Variants in NIT2 observed in about 807,000 individuals in gnomAD.
NIT2 encodes the protein omega-amidase NIT2.
Under a neutral mutation model 42.7 loss-of-function variants are expected in NIT2, and 46 were observed. That is an observed-to-expected ratio of 1.08 (90% confidence interval 0.85 to 1.38). The LOEUF (loss-of-function observed/expected upper bound fraction) is 1.38, where lower values mean the gene tolerates loss of function less well. NIT2 is among the 40% of genes most tolerant of loss of function. NIT2 has a pLI of 0.00. For missense variants in NIT2, 309 were observed against 342.5 expected (o/e 0.90, Z 0.77); for synonymous variants, 123 against 121.9 (o/e 1.01, Z -0.06).
rs200886840 is a variant in NIT2, at chr3:100,348,208, T to C, written c.506-595T>C. ...CACCCACCGCCTTTATGAGTTTCTT[T>C]ACCAAGGGGTGAAATATTCATGACG... On this transcript the variant is annotated intron_variant, in intron 6 of 9. Transcript: ENST00000394140. Among the ~76,000 whole-genome samples, 19 of 152,340 alleles carry C rather than the reference T, an allele frequency of 1.2e-4. No homozygotes were observed. The East Asian group carries it at 1.4e-3, about 11-fold the overall frequency.
At chr3:100,355,145 T>G (rs374131069) in intron 9 of NIT2, 32 bp from the exon 10 acceptor site, 76 of 1,538,216 alleles carry the variant, frequency 4.9e-5, no homozygotes, top group Admixed American at 3.4e-5. Flanking sequence ...GAGTTGCAAA[T>G]TATTAATAGT....
intron 3 of NIT2, 162 bp downstream of exon 3, chr3:100,340,097 G>C: frequency 6.2e-4 from 310 of 503,604 alleles, no homozygotes; most frequent in Middle Eastern, 2.2e-3. Flanking sequence ...TTGAGGTGAG[G>C]TCTTGCTTTG....
In NIT2 at chr3:100,339,166, G is replaced by A. The variant is rs762980475; in HGVS notation, c.87G>A (p.Arg29=). The part of the protein sequence containing the change: ...DNVTRACSFI[R]EAATQGAKIV... Reference sequence around the variant, plus strand: ...TCACTCGCGCTTGTAGCTTCATCCGGGAGGCAGCAACGCAAGGAGCCAAAA... The same window carrying A: ...TCACTCGCGCTTGTAGCTTCATCCGAGAGGCAGCAACGCAAGGAGCCAAAA... Residue 29 remains arginine (R), a synonymous_variant, in exon 2 of 10, where the codon CGG becomes CGA. Coordinates refer to ENST00000394140, the MANE Select transcript of NIT2 (RefSeq NM_020202.5). The A allele has an allele frequency of 1.2e-6, 2 of 1,613,976 alleles. No individual in the cohort carries two copies. The highest frequency in any genetic ancestry group is 2.2e-5 in the South Asian group (2 of 91,066).
chr3:100,347,824 A>C (rs936904987), intron 6 of NIT2, among the ~76,000 whole-genome samples: 3 of 152,190 alleles, frequency 2.0e-5, no homozygotes, highest in African/African-American at 7.2e-5. Flanking sequence ...GTACACACTC[A>C]AAAAAGGGAG....
At chr3:100,345,941 A>G in intron 5 of NIT2, 2 of 594,254 alleles carry the variant, frequency 3.4e-6, no homozygotes, top group Admixed American at 3.0e-5. Context: ...AGTACCTCCC[A>G]TCTAGATAAT....
chr3:100,339,813 A>G lies in NIT2; in HGVS notation c.127-2A>G. 1 of 1,595,708 alleles carries G rather than the reference A, an allele frequency of 6.3e-7. No individual in the cohort carries two copies. The highest frequency in any genetic ancestry group is 8.5e-7 in the Non-Finnish European group (1 of 1,173,344). Reference sequence around the variant, plus strand: ...TTTTTTTCTCTGCCAATATTTTTCTAGGAATGCTTTAATTCTCCATATGGA... The same window carrying G: ...TTTTTTTCTCTGCCAATATTTTTCTGGGAATGCTTTAATTCTCCATATGGA... On this transcript the variant is annotated splice_acceptor_variant, in intron 2 of 9. Transcript: ENST00000394140. LOFTEE classifies it high-confidence loss of function.
At chr3:100,345,210 C>T (rs150585690) in intron 4 of NIT2, among the ~76,000 whole-genome samples, 1,758 of 152,230 alleles carry the variant, frequency 0.012, 39 homozygotes, top group African/African-American at 0.04. Flanking sequence ...CCGCCCACCT[C>T]GGCCTCCCAA....
At chr3:100,340,401 A>G (rs1382876477) in intron 3 of NIT2, among the ~76,000 whole-genome samples, 1 of 152,190 alleles carries the variant, frequency 6.6e-6, no homozygotes, top group African/African-American at 2.4e-5. Flanking sequence ...TTGAGAAAAA[A>G]AATTTTTTTC....
At chr3:100,345,116 G>A (rs965103823) in intron 4 of NIT2, among the ~76,000 whole-genome samples, 4 of 151,112 alleles carry the variant, frequency 2.6e-5, no homozygotes, top group African/African-American at 7.3e-5. Flanking sequence ...AACCACCCCC[G>A]GCTAATTTTT....
chr3:100,349,715 A>C (rs1222737461), intron 7 of NIT2: 5 of 152,338 alleles, frequency 3.3e-5, no homozygotes, highest in African/African-American at 9.7e-5. Context: ...TACTGTGCCA[A>C]GAAACTCATG....
At chr3:100,354,161 G>T (rs1397990372) in intron 8 of NIT2, among the ~76,000 whole-genome samples, 1 of 152,182 alleles carries the variant, frequency 6.6e-6, no homozygotes, top group African/African-American at 2.4e-5. Flanking sequence ...CCAGTGTGAG[G>T]TTACCCTCCA....
chr3:100,334,853 G>A, intron 1 of NIT2, 55 bp downstream of exon 1: 1 of 1,289,628 alleles, frequency 7.8e-7, no homozygotes, highest in Non-Finnish European at 9.8e-7. Flanking sequence ...GGGAGGCTTT[G>A]GAGCGGCGCC....
chr3:100,354,497 G>T (rs1177992886), intron 8 of NIT2, among the ~76,000 whole-genome samples: 1 of 152,176 alleles, frequency 6.6e-6, no homozygotes, highest in African/African-American at 2.4e-5. Flanking sequence ...GTCTCCTAGT[G>T]ATTTGCAATT....
At chr3:100,336,388 G>C (rs1284380619) in intron 1 of NIT2, among the ~76,000 whole-genome samples, 2 of 152,074 alleles carry the variant, frequency 1.3e-5, no homozygotes, top group African/African-American at 4.8e-5. Context: ...CGAGAGACTT[G>C]GAAAAGAAAA....
intron 8 of NIT2, among the ~76,000 whole-genome samples, chr3:100,354,314 A>G (rs912749361): frequency 2.0e-5 from 3 of 152,222 alleles, no homozygotes; most frequent in African/African-American, 7.2e-5. Context: ...GCCTAGGCCC[A>G]GCTTCACCAC....
intron 8 of NIT2, among the ~76,000 whole-genome samples, chr3:100,353,119 A>G (rs1706290816): frequency 6.6e-6 from 1 of 152,222 alleles, no homozygotes; most frequent in Non-Finnish European, 1.5e-5. Flanking sequence ...AACTCTCAGG[A>G]AATTGTTCTT....
At chr3:100,337,816 A>G (rs1260835584) in intron 1 of NIT2, among the ~76,000 whole-genome samples, 1 of 152,204 alleles carries the variant, frequency 6.6e-6, no homozygotes, top group African/African-American at 2.4e-5. Flanking sequence ...TAATCGCAGC[A>G]GTTTGAGAGG....
rs1008372444 is a variant in NIT2 at position 100,356,157 on chromosome 3, A to C, written c.*889A>C. The C allele has an allele frequency of 6.6e-6, 1 of 152,250 alleles. No homozygotes were observed. The highest frequency in any genetic ancestry group is 1.5e-5 in the Non-Finnish European group (1 of 68,076). 9.4% of individuals were successfully genotyped at this position (152,250 alleles called of 1,614,324 possible). A position where few individuals can be genotyped will look rare whatever the true frequency, so the allele number is the denominator to read the frequency against. On this transcript the variant is annotated 3_prime_UTR_variant, in exon 10 of 10. Coordinates refer to ENST00000394140, the MANE Select transcript of NIT2 (RefSeq NM_020202.5). Reference sequence around the variant, plus strand: ...TGAGGTAGGAGGATCCCTTGAGTCCACAAGTTTGAGTTCAGCCAGAGACCC... The same window carrying C: ...TGAGGTAGGAGGATCCCTTGAGTCCCCAAGTTTGAGTTCAGCCAGAGACCC...
intron 9 of NIT2, among the ~76,000 whole-genome samples, 160 bp downstream of exon 9, chr3:100,354,987 G>T (rs1706312145): frequency 6.6e-6 from 1 of 152,124 alleles, no homozygotes; most frequent in Non-Finnish European, 1.5e-5. Flanking sequence ...GCCAATCCCT[G>T]GGGAGTGTAT....
Sources: gnomAD v4.1 joint callset for allele counts (sites outside exome capture counted in the v4.1 genomes callset) on GRCh38, gnomAD v4.1.1 for gene constraint, MANE v1.5 for transcripts, NCBI Gene and HGNC (gene_info 2026-07-23, HGNC 2026-07-21) for gene names.